The following RAB38 variants were observed in gnomAD, a reference collection of about 807,000 sequenced individuals.
The protein encoded by RAB38 is RAB38, member RAS oncogene family.
A neutral mutation model predicts 18.4 loss-of-function variants in RAB38; 15 were observed. The ratio of observed to expected loss-of-function variants is 0.82; its 90% CI spans 0.55 to 1.26. The LOEUF is 1.26. Among genes scored for constraint, RAB38 ranks in the 50% most tolerant of loss-of-function variants. The probability of loss-of-function intolerance (pLI) is 0.00; values close to 1 mark genes in which losing one functional copy is unlikely to be tolerated. For missense variants in RAB38, 294 were observed against 267.4 expected (o/e 1.10, Z -0.69); for synonymous variants, 101 against 104.4 (o/e 0.97, Z 0.20).
chr11:88,044,898 A>G, the RAB38 span, among the ~76,000 whole-genome samples: 2 of 151,882 alleles, frequency 1.3e-5, no homozygotes. Flanking sequence ...TAATCCTTTA[A>G]TCACCTCCCC....
chr11:88,068,238 G>A, the RAB38 span, among the ~76,000 whole-genome samples: 3 of 151,836 alleles, frequency 2.0e-5, no homozygotes, highest in Admixed American at 2.0e-4. Flanking sequence ...ATAATGTGTG[G>A]ATTTATGTAA....
downstream of RAB38, among the ~76,000 whole-genome samples, chr11:88,111,905 G>A (rs183359981): frequency 5.9e-5 from 9 of 152,298 alleles, no homozygotes; most frequent in Non-Finnish European, 1.0e-4. Flanking sequence ...ACTTCTATGA[G>A]ACCCTGGATC....
the RAB38 span, among the ~76,000 whole-genome samples, chr11:87,936,981 A>C: frequency 6.6e-6 from 1 of 151,958 alleles, no homozygotes; most frequent in Non-Finnish European, 1.5e-5. Context: ...TTGCCTTACT[A>C]CAATGGCGAG....
chr11:87,904,406 G>A, the RAB38 span, among the ~76,000 whole-genome samples: 5 of 151,778 alleles, frequency 3.3e-5, no homozygotes, highest in African/African-American at 1.2e-4. Context: ...CCATGTTGCT[G>A]CAAAGGACAT....
chr11:87,828,913 G>C, the RAB38 span, among the ~76,000 whole-genome samples: 190 of 152,238 alleles, frequency 1.2e-3, no homozygotes, highest in African/African-American at 4.4e-3. Flanking sequence ...GAATATTGCA[G>C]TCATTTAAAT....
At chr11:88,028,528 G>T in the RAB38 span, among the ~76,000 whole-genome samples, 19 of 152,126 alleles carry the variant, frequency 1.2e-4, no homozygotes, top group African/African-American at 4.1e-4. Context: ...ACAGAGAAGT[G>T]CTTAAAGGGG....
At chr11:87,953,808 T>TTAAATGCTTGCCTTTTTTAGGCCC in the RAB38 span, among the ~76,000 whole-genome samples, 17 of 152,048 alleles carry the variant, frequency 1.1e-4, no homozygotes, top group Non-Finnish European at 2.5e-4. Flanking sequence ...ATGTTTCTCT[T>TTAAATGCTTGCCTTTTTTAGGCCC]TAAATGCTTG....
intron 2 of RAB38, among the ~76,000 whole-genome samples, chr11:88,126,532 C>T (rs1409087415): frequency 2.6e-5 from 4 of 152,050 alleles, no homozygotes; most frequent in Non-Finnish European, 4.4e-5. Flanking sequence ...AGGGGAACAT[C>T]ACACACTGGG....
the RAB38 span, among the ~76,000 whole-genome samples, chr11:88,017,746 T>C: frequency 6.8e-6 from 1 of 147,636 alleles, no homozygotes; most frequent in Admixed American, 6.8e-5. Flanking sequence ...ATAATATATA[T>C]TTTATAAAGA....
chr11:88,010,753 T>A, the RAB38 span, among the ~76,000 whole-genome samples: 1 of 152,182 alleles, frequency 6.6e-6, no homozygotes, highest in Admixed American at 6.5e-5. Flanking sequence ...AATGGGGCAG[T>A]TGAGAGCAAA....
At chr11:88,039,661 G>A in the RAB38 span, among the ~76,000 whole-genome samples, 1 of 152,198 alleles carries the variant, frequency 6.6e-6, no homozygotes, top group Non-Finnish European at 1.5e-5. Flanking sequence ...AAGAGGGGAA[G>A]GAGAGCCTGA....
the RAB38 span, among the ~76,000 whole-genome samples, chr11:88,030,388 C>T: frequency 6.6e-6 from 1 of 152,008 alleles, no homozygotes; most frequent in Non-Finnish European, 1.5e-5. Flanking sequence ...CAGAGCAGAA[C>T]TGAAGGAAAT....
the RAB38 span, among the ~76,000 whole-genome samples, chr11:87,805,422 G>T: frequency 3.3e-5 from 5 of 151,422 alleles, no homozygotes. Context: ...ATGGCTAAAT[G>T]CTCAGGCATC....
At chr11:87,840,746 T>G in the RAB38 span, among the ~76,000 whole-genome samples, 6,311 of 152,272 alleles carry the variant, frequency 0.041, 146 homozygotes, top group African/African-American at 0.07. Context: ...TGTTTCTAAT[T>G]TGTAAGACAT....
the RAB38 span, among the ~76,000 whole-genome samples, chr11:88,021,155 AC>A: frequency 6.6e-6 from 1 of 152,166 alleles, no homozygotes; most frequent in African/African-American, 2.4e-5. Flanking sequence ...GATCAACAAA[AC>A]AAAAAGTTGG....
chr11:87,976,881 T>G, the RAB38 span, among the ~76,000 whole-genome samples: 97 of 49,032 alleles, frequency 2.0e-3, 7 homozygotes, highest in African/African-American at 5.5e-3. Flanking sequence ...TGTTATATAA[T>G]GTATTATATA....
intron 1 of RAB38, among the ~76,000 whole-genome samples, chr11:88,155,517 G>C (rs984023354): frequency 4.6e-5 from 7 of 151,912 alleles, no homozygotes; most frequent in African/African-American, 1.7e-4. Context: ...GTATGATAGA[G>C]AAATAAAGAA....
At chr11:88,118,145 C>T (rs181550029) in intron 2 of RAB38, among the ~76,000 whole-genome samples, 2 of 152,182 alleles carry the variant, frequency 1.3e-5, no homozygotes, top group African/African-American at 4.8e-5. Flanking sequence ...TCAGCTCCCC[C>T]CCAAATATAT....
the RAB38 span, among the ~76,000 whole-genome samples, chr11:88,041,295 A>T: frequency 1.2e-4 from 18 of 152,328 alleles, no homozygotes; most frequent in Non-Finnish European, 1.5e-4. Context: ...TCCCCTCTGT[A>T]ATAGTGAGCG....
Sources: allele counts gnomAD v4.1 joint callset (sites outside exome capture counted in the v4.1 genomes callset), GRCh38; gene constraint gnomAD v4.1.1; transcripts MANE v1.5; gene names NCBI Gene and HGNC (gene_info 2026-07-23, HGNC 2026-07-21).